The following CWC27 variants were observed in gnomAD, a reference collection of about 807,000 sequenced individuals.
CWC27 encodes the protein spliceosome-associated protein CWC27 homolog.
A neutral mutation model predicts 63.6 loss-of-function variants in CWC27; 47 were observed. The observed-to-expected ratio is 0.74, with a 90% confidence interval of 0.58 to 0.94. The LOEUF is 0.94. CWC27 is among the 40% of genes least tolerant of loss of function. CWC27 has a pLI of 0.00. For synonymous variants in CWC27, 175 were observed against 179.8 expected, an observed-to-expected ratio of 0.97 and a Z score of 0.22; for missense variants, 495 against 554.3, an observed-to-expected ratio of 0.89 and a Z score of 1.07.
At chr5:64,804,489 C>A in intron 10 of CWC27, 103 bp downstream of exon 10, 3 of 1,188,726 alleles carry the variant, frequency 2.5e-6, no homozygotes, top group Admixed American at 2.9e-5. Context: ...ATACTATTTT[C>A]ATAATGTTTG....
chr5:64,845,382 CA>C (rs199551397), intron 10 of CWC27, among the ~76,000 whole-genome samples: 2,091 of 152,158 alleles, frequency 0.014, 27 homozygotes, highest in African/African-American at 0.038. Context: ...TAATGGACCC[CA>C]AAGAAACGGA....
intron 11 of CWC27, among the ~76,000 whole-genome samples, chr5:64,897,785 A>C (rs572191401): frequency 3.9e-4 from 60 of 152,238 alleles, no homozygotes; most frequent in African/African-American, 1.3e-3. Flanking sequence ...GTTAAGGCAA[A>C]ATGTATTACT....
intron 11 of CWC27, among the ~76,000 whole-genome samples, chr5:64,924,452 T>A (rs1016905745): frequency 6.6e-6 from 1 of 152,226 alleles, no homozygotes; most frequent in South Asian, 2.1e-4. Flanking sequence ...AATCTGAGAC[T>A]GAACTCCTTG....
At chr5:64,871,302 G>C (rs982213241) in intron 10 of CWC27, among the ~76,000 whole-genome samples, 1 of 152,162 alleles carries the variant, frequency 6.6e-6, no homozygotes, top group Admixed American at 6.6e-5. Context: ...AATACAATAT[G>C]ATAAGCTTGA....
intron 10 of CWC27, among the ~76,000 whole-genome samples, chr5:64,846,993 CAAAAAAA>C (rs35090437): frequency 9.3e-4 from 80 of 86,178 alleles, no homozygotes; most frequent in South Asian, 3.9e-4. Context: ...GACTCCATCT[CAAAAAAA>C]AAAAAAAAAA....
chr5:64,788,831 A>G, intron 6 of CWC27, 120 bp from the exon 7 acceptor site: 1 of 643,454 alleles, frequency 1.6e-6, no homozygotes, highest in Admixed American at 3.1e-5. Context: ...GGTCTTTTTT[A>G]GAACAGTCAG....
intron 3 of CWC27, among the ~76,000 whole-genome samples, chr5:64,783,455 G>C (rs943384925): frequency 1.2e-4 from 18 of 152,210 alleles, no homozygotes; most frequent in Admixed American, 3.3e-4. Flanking sequence ...ATGGGAAGGA[G>C]TAATAATTGA....
At chr5:64,806,041 T>C (rs550845626) in intron 10 of CWC27, among the ~76,000 whole-genome samples, 2 of 152,196 alleles carry the variant, frequency 1.3e-5, no homozygotes, top group African/African-American at 4.8e-5. Context: ...GGAGAATGGA[T>C]TGATAGAGGA....
intron 10 of CWC27, among the ~76,000 whole-genome samples, chr5:64,864,090 A>G (rs1746480272): frequency 6.6e-6 from 1 of 152,084 alleles, no homozygotes. Context: ...TTTTTTTATT[A>G]CCAATTTTTT....
At chr5:64,972,696 A>C in intron 12 of CWC27, 1 of 453,956 alleles carries the variant, frequency 2.2e-6, no homozygotes, top group Non-Finnish European at 4.4e-6. Flanking sequence ...AAAGTCTTCT[A>C]AATAGCAACC....
intron 10 of CWC27, among the ~76,000 whole-genome samples, chr5:64,852,753 G>A (rs887729769): frequency 1.5e-4 from 23 of 151,554 alleles, no homozygotes; most frequent in South Asian, 1.0e-3. Flanking sequence ...AATTACAGGC[G>A]TGAGCCACTG....
At chr5:64,800,076 T>C (rs998224643) in intron 7 of CWC27, among the ~76,000 whole-genome samples, 172 bp from the exon 8 acceptor site, 1 of 152,186 alleles carries the variant, frequency 6.6e-6, no homozygotes, top group African/African-American at 2.4e-5. Context: ...TTTCAGTCAA[T>C]AGAAGAGTAA....
chr5:64,791,061 TG>T (rs1744061861), intron 7 of CWC27, among the ~76,000 whole-genome samples: 1 of 152,158 alleles, frequency 6.6e-6, no homozygotes, highest in African/African-American at 2.4e-5. Context: ...CGTAGCATTC[TG>T]GGGTAGAAGG....
intron 13 of CWC27, among the ~76,000 whole-genome samples, chr5:64,999,099 A>C (rs1460883630): frequency 6.6e-6 from 1 of 151,712 alleles, no homozygotes; most frequent in Non-Finnish European, 1.5e-5. Context: ...CTCTGAGCTC[A>C]TTCACATTTT....
chr5:64,972,211 A>G (rs1206121640), intron 12 of CWC27, among the ~76,000 whole-genome samples: 4 of 152,202 alleles, frequency 2.6e-5, no homozygotes, highest in African/African-American at 4.8e-5. Context: ...CCTAGCTTGA[A>G]ATTGTACACT....
intron 10 of CWC27, among the ~76,000 whole-genome samples, chr5:64,852,710 T>C (rs1746165565): frequency 6.6e-6 from 1 of 151,932 alleles, no homozygotes. Flanking sequence ...TGACCTCAGG[T>C]GATCTGTTTG....
intron 10 of CWC27, among the ~76,000 whole-genome samples, chr5:64,857,612 A>G (rs1422787674): frequency 6.6e-6 from 1 of 152,236 alleles, no homozygotes; most frequent in Admixed American, 6.5e-5. Context: ...ATGGAAAGCC[A>G]TTTAGTCAGG....
At chr5:64,821,704 T>A (rs1459367536) in intron 10 of CWC27, among the ~76,000 whole-genome samples, 1 of 152,164 alleles carries the variant, frequency 6.6e-6, no homozygotes. Flanking sequence ...AGGGGAAGAA[T>A]GGTGAAGTTA....
At chr5:64,851,938 T>C (rs915592083) in intron 10 of CWC27, among the ~76,000 whole-genome samples, 1 of 152,124 alleles carries the variant, frequency 6.6e-6, no homozygotes, top group African/African-American at 2.4e-5. Flanking sequence ...TCTAACTCTT[T>C]TAGAAACTAA....
Sources: allele counts gnomAD v4.1 joint callset (sites outside exome capture counted in the v4.1 genomes callset), GRCh38; gene constraint gnomAD v4.1.1; transcripts MANE v1.5; gene names NCBI Gene and HGNC (gene_info 2026-07-23, HGNC 2026-07-21).